Variants in CEP20 observed in about 807,000 individuals in gnomAD.
CEP20 encodes the protein centrosomal protein 20.
Under a neutral mutation model 20.0 loss-of-function variants are expected in CEP20, and 18 were observed. That is an observed-to-expected ratio of 0.90 (90% CI 0.62 to 1.34). CEP20 has a LOEUF of 1.34. Ranked by LOEUF, CEP20 falls within the 40% of genes most tolerant of loss-of-function variation. The probability of loss-of-function intolerance (pLI) is 0.00; values close to 1 mark genes in which losing one functional copy is unlikely to be tolerated. For missense variants in CEP20, 215 were observed against 201.6 expected (o/e 1.07, Z -0.40); for synonymous variants, 77 against 73.7 (o/e 1.04, Z -0.23).
chr16:15,883,615 T>C (rs2045165146), intron 2 of CEP20, among the ~76,000 whole-genome samples: 1 of 152,118 alleles, frequency 6.6e-6, no homozygotes, highest in Admixed American at 6.6e-5. Flanking sequence ...TAATCTTGCC[T>C]CGGCCTCCCA....
At position 15,876,920 on chromosome 16, in the gene CEP20, C is replaced by T. The variant is rs188659905; in HGVS notation, c.311+2884G>A. Among the ~76,000 whole-genome samples, 418 of 148,874 alleles carry T rather than the reference C, an allele frequency of 2.8e-3. 2 individuals carry two copies. The highest frequency in any genetic ancestry group is 9.9e-3 in the African/African-American group (400 of 40,256). ...CAGGCTGAGTGCAGTGGCACGATCT[C>T]GGCTCACTGCAAGCTCCACCTCCCC... On this transcript the variant is annotated intron_variant, in intron 3 of 4. Transcript: ENST00000255759.
chr16:15,882,782 G>GAT (rs2045136843), intron 2 of CEP20, among the ~76,000 whole-genome samples: 1 of 30,194 alleles, frequency 3.3e-5, no homozygotes, highest in Non-Finnish European at 7.7e-5. Context: ...TATCTATCTA[G>GAT]ATACACACAC....
chr16:15,867,722 C>CA (rs1397573814), intron 4 of CEP20, among the ~76,000 whole-genome samples: 22 of 152,286 alleles, frequency 1.4e-4, no homozygotes, highest in Middle Eastern at 6.8e-3. Flanking sequence ...CCTGTAATCC[C>CA]AGTACTTTGG....
At chr16:15,888,008 T>C (rs988168621) in intron 1 of CEP20, among the ~76,000 whole-genome samples, 1 of 149,284 alleles carries the variant, frequency 6.7e-6, no homozygotes, top group African/African-American at 2.5e-5. Context: ...AGTCCCGGAG[T>C]TCGAAGCTGC....
intron 3 of CEP20, among the ~76,000 whole-genome samples, chr16:15,875,237 C>T (rs2044915697): frequency 6.6e-6 from 1 of 152,160 alleles, no homozygotes; most frequent in Non-Finnish European, 1.5e-5. Flanking sequence ...GAAAGCGTCA[C>T]CTAGTAATAT....
intron 3 of CEP20, among the ~76,000 whole-genome samples, chr16:15,875,869 C>G (rs977580521): frequency 1.3e-5 from 2 of 152,086 alleles, no homozygotes; most frequent in African/African-American, 4.8e-5. Context: ...GAGGCCAAGG[C>G]AGGAGGATCA....
At chr16:15,877,187 T>C (rs2044975063) in intron 3 of CEP20, 1 of 152,406 alleles carries the variant, frequency 6.6e-6, no homozygotes, top group African/African-American at 2.4e-5. Flanking sequence ...TTTCACGAAT[T>C]TGCGTGTCAT....
intron 1 of CEP20, among the ~76,000 whole-genome samples, chr16:15,887,939 G>A (rs1217819393): frequency 1.3e-5 from 2 of 151,828 alleles, no homozygotes; most frequent in Non-Finnish European, 2.9e-5. Context: ...TTAGCCGGGC[G>A]TAGTGAAGAG....
upstream of CEP20, chr16:15,888,603 GGCCGCACCGCGGCCCTGCGCACGC>G (rs762750257): frequency 8.7e-6 from 14 of 1,613,904 alleles, no homozygotes; most frequent in South Asian, 1.5e-4. Context: ...CGGCCGCCAG[GGCCGCACCGCGGCCCTGCGCACGC>G]GCAGCTCCGC....
intron 4 of CEP20, among the ~76,000 whole-genome samples, chr16:15,870,517 C>T (rs1370186619): frequency 6.6e-6 from 1 of 152,102 alleles, no homozygotes; most frequent in Non-Finnish European, 1.5e-5. Flanking sequence ...TACAATGTTA[C>T]ATCACAATAC....
intron 3 of CEP20, among the ~76,000 whole-genome samples, chr16:15,876,475 G>GAA (rs56965912): frequency 2.9e-5 from 4 of 139,914 alleles, no homozygotes; most frequent in East Asian, 2.1e-4. Context: ...ACTCTGTCTC[G>GAA]AAAAAAAAAA....
chr16:15,874,551 C>T (rs2044898091), intron 3 of CEP20, among the ~76,000 whole-genome samples: 1 of 152,190 alleles, frequency 6.6e-6, no homozygotes, highest in Non-Finnish European at 1.5e-5. Flanking sequence ...GCTCTGCTGA[C>T]AATCAAGAGT....
At chr16:15,886,557 G>A (rs1365392180) in intron 1 of CEP20, among the ~76,000 whole-genome samples, 4 of 152,142 alleles carry the variant, frequency 2.6e-5, no homozygotes, top group African/African-American at 4.8e-5. Flanking sequence ...ACAGAGAAAC[G>A]AGAATTAGTG....
At chr16:15,880,810 C>A (rs1320049546) in intron 2 of CEP20, among the ~76,000 whole-genome samples, 1 of 152,030 alleles carries the variant, frequency 6.6e-6, no homozygotes, top group Non-Finnish European at 1.5e-5. Context: ...GAATTAGATT[C>A]TCATAGAAGC....
At chr16:15,887,862 A>C (rs2151435298) in intron 1 of CEP20, among the ~76,000 whole-genome samples, 1 of 152,148 alleles carries the variant, frequency 6.6e-6, no homozygotes, top group East Asian at 1.9e-4. Flanking sequence ...GAGGGGGCCA[A>C]GGCAGGAGGA....
intron 4 of CEP20, among the ~76,000 whole-genome samples, chr16:15,870,175 T>G (rs2044779739): frequency 6.6e-6 from 1 of 151,716 alleles, no homozygotes; most frequent in African/African-American, 2.4e-5. Context: ...CTTATAACTT[T>G]CTTACTAGTC....
In CEP20 at chr16:15,867,400, A is replaced by G; in HGVS notation, c.*40T>C. 6.9e-7 allele frequency: 1 copy of G among 1,457,478 alleles called. No individual in the cohort carries two copies. Among genetic ancestry groups the G allele is most frequent in the East Asian group, 2.3e-5 (1 of 42,714 alleles). 90.3% of individuals were successfully genotyped at this position (1,457,478 alleles called of 1,614,324 possible). A position where few individuals can be genotyped will look rare whatever the true frequency, so the allele number is the denominator to read the frequency against. ...GGACAATAAATAAGTTATTTAATTA[A>G]TAATACAATTTTAAGACAAAAGATA... On this transcript the variant is annotated 3_prime_UTR_variant, in exon 5 of 5. Transcript: ENST00000255759.
chr16:15,877,150 C>G (rs1317852281), intron 3 of CEP20: 1 of 152,362 alleles, frequency 6.6e-6, no homozygotes, highest in Non-Finnish European at 1.5e-5. Flanking sequence ...ATGCGCCCGG[C>G]CTTCTTTTTT....
At chr16:15,882,757 AT>A (rs1567241659) in intron 2 of CEP20, among the ~76,000 whole-genome samples, 16 of 127,322 alleles carry the variant, frequency 1.3e-4, no homozygotes, top group Non-Finnish European at 2.1e-4. Flanking sequence ...CTATCTATCT[AT>A]CTATCTATCT....
Sources: gnomAD v4.1 joint callset for allele counts (sites outside exome capture counted in the v4.1 genomes callset) on GRCh38, gnomAD v4.1.1 for gene constraint, MANE v1.5 for transcripts, NCBI Gene and HGNC (gene_info 2026-07-23, HGNC 2026-07-21) for gene names.